The following LRP1B variants were observed in gnomAD, a reference collection of about 807,000 sequenced individuals.
LRP1B encodes LDL receptor related protein 1B.
Under a neutral mutation model 556.6 loss-of-function variants are expected in LRP1B, and 217 were observed. The observed-to-expected ratio is 0.39, with a 90% CI of 0.35 to 0.44. The LOEUF (loss-of-function observed/expected upper bound fraction) is 0.44, where lower values mean the gene tolerates loss of function less well. LRP1B is among the 20% of genes least tolerant of loss of function. The pLI is 1.00. For synonymous variants in LRP1B, 2,047 were observed against 1,865.8 expected, an observed-to-expected ratio of 1.10 and a Z score of -2.50; for missense variants, 5,053 against 5,620.8, an observed-to-expected ratio of 0.90 and a Z score of 3.23.
chr2:140,968,115 C>T (rs1366648421), intron 18 of LRP1B, among the ~76,000 whole-genome samples: 1 of 150,922 alleles, frequency 6.6e-6, no homozygotes, highest in Non-Finnish European at 1.5e-5. Context: ...GTACCAGCTC[C>T]TCCTTGTAAC....
intron 31 of LRP1B, among the ~76,000 whole-genome samples, chr2:140,816,787 T>G (rs1341749918): frequency 6.6e-6 from 1 of 152,084 alleles, no homozygotes; most frequent in Non-Finnish European, 1.5e-5. Flanking sequence ...TGCTTTATAT[T>G]CATAATATAG....
chr2:140,691,226 C>CT (rs1302058613), intron 41 of LRP1B, among the ~76,000 whole-genome samples: 1 of 152,076 alleles, frequency 6.6e-6, no homozygotes, highest in African/African-American at 2.4e-5. Flanking sequence ...AATACTAGCA[C>CT]TTTGGGAGGC....
At chr2:140,602,247 A>G (rs1290951855) in intron 41 of LRP1B, among the ~76,000 whole-genome samples, 4 of 152,122 alleles carry the variant, frequency 2.6e-5, no homozygotes, top group Non-Finnish European at 5.9e-5. Flanking sequence ...ATTGCCAGCT[A>G]AAGCATGCTT....
chr2:141,888,300 G>A (rs1269691665), intron 1 of LRP1B, among the ~76,000 whole-genome samples: 1 of 152,158 alleles, frequency 6.6e-6, no homozygotes, highest in Non-Finnish European at 1.5e-5. Flanking sequence ...TGAGAACTCT[G>A]TGCCAGCTTC....
intron 32 of LRP1B, among the ~76,000 whole-genome samples, chr2:140,791,262 C>T (rs2104986561): frequency 6.6e-6 from 1 of 151,680 alleles, no homozygotes; most frequent in East Asian, 2.0e-4. Flanking sequence ...AAAAGCAAAA[C>T]AAAACAAAAC....
chr2:141,634,962 T>C (rs1689055312), intron 2 of LRP1B, among the ~76,000 whole-genome samples: 1 of 151,864 alleles, frequency 6.6e-6, no homozygotes, highest in East Asian at 1.9e-4. Flanking sequence ...TACTGACAGT[T>C]GAAGGTATCC....
At chr2:141,287,141 A>C (rs300345) in intron 3 of LRP1B, among the ~76,000 whole-genome samples, 146,150 of 152,238 alleles carry the variant, frequency 0.96, 70,442 homozygotes, top group East Asian at 1. Flanking sequence ...TTTCAAAAAA[A>C]CAAATGTTGG....
At chr2:140,996,745 T>A (rs1044663234) in intron 15 of LRP1B, among the ~76,000 whole-genome samples, 5 of 151,716 alleles carry the variant, frequency 3.3e-5, no homozygotes, top group Admixed American at 2.0e-4. Context: ...CCCAAGGACA[T>A]GGATAAAGTT....
chr2:141,629,235 A>G (rs797000476), intron 2 of LRP1B, among the ~76,000 whole-genome samples: 2 of 152,314 alleles, frequency 1.3e-5, no homozygotes, highest in African/African-American at 4.8e-5. Flanking sequence ...TCATTTCTAA[A>G]GGGGAAAAAG....
chr2:140,898,538 A>G, intron 23 of LRP1B: 1 of 314,694 alleles, frequency 3.2e-6, no homozygotes, highest in Non-Finnish European at 6.3e-6. Context: ...CTAATGAGCA[A>G]TCCCAGGACC....
chr2:140,475,069 A>C, intron 60 of LRP1B, 69 bp downstream of exon 60: 2 of 634,248 alleles, frequency 3.2e-6, no homozygotes, highest in Non-Finnish European at 2.3e-6. Context: ...ATATAAAATA[A>C]ATATATATTT....
At chr2:140,428,610 C>T (rs13021139) in intron 66 of LRP1B, among the ~76,000 whole-genome samples, 8,013 of 152,208 alleles carry the variant, frequency 0.053, 249 homozygotes, top group Middle Eastern at 0.068. Context: ...TGGCTGAAGA[C>T]TGACACTGCC....
intron 41 of LRP1B, among the ~76,000 whole-genome samples, chr2:140,693,609 C>A (rs949129364): frequency 6.6e-6 from 1 of 151,910 alleles, no homozygotes; most frequent in African/African-American, 2.4e-5. Flanking sequence ...TTATGTCCTT[C>A]ATAAACATTT....
intron 2 of LRP1B, among the ~76,000 whole-genome samples, chr2:141,715,822 T>TAACA (rs1278314649): frequency 3.3e-5 from 5 of 151,918 alleles, no homozygotes; most frequent in African/African-American, 7.3e-5. Context: ...TCTCAGAAAC[T>TAACA]AACAAACAAA....
At chr2:141,602,324 G>T (rs899903018) in intron 2 of LRP1B, among the ~76,000 whole-genome samples, 3 of 152,132 alleles carry the variant, frequency 2.0e-5, no homozygotes, top group Non-Finnish European at 4.4e-5. Flanking sequence ...ATTGATTTTT[G>T]TCTGAAGTAC....
At chr2:141,178,427 A>G (rs1680836666) in intron 7 of LRP1B, among the ~76,000 whole-genome samples, 1 of 152,090 alleles carries the variant, frequency 6.6e-6, no homozygotes, top group Non-Finnish European at 1.5e-5. Context: ...GATAGTTTAG[A>G]TACACAGGAC....
rs145239794 is a variant in LRP1B at position 141,962,757 on chromosome 2, T to G, written c.83-152356A>C. Among the ~76,000 whole-genome samples, 14 of 151,940 alleles carry G rather than the reference T, an allele frequency of 9.2e-5. No individual in the cohort carries two copies. The East Asian group carries it at 2.7e-3, about 30-fold the overall frequency. Reference sequence around the variant, plus strand: ...AAGGTTAAACTGCAAGCTAAAAAATTACCTCAAGATAATAGCTTCATATGC... The same window carrying G: ...AAGGTTAAACTGCAAGCTAAAAAATGACCTCAAGATAATAGCTTCATATGC... On this transcript the variant is annotated intron_variant, in intron 1 of 90. Transcript: ENST00000389484.
chr2:141,868,431 T>C (rs1162150254), intron 1 of LRP1B, among the ~76,000 whole-genome samples: 1 of 152,196 alleles, frequency 6.6e-6, no homozygotes, highest in Non-Finnish European at 1.5e-5. Context: ...AGTATTCATA[T>C]GGGCCTTTTG....
intron 6 of LRP1B, among the ~76,000 whole-genome samples, chr2:141,197,134 C>A (rs762335837): frequency 1.9e-4 from 29 of 152,142 alleles, no homozygotes; most frequent in Non-Finnish European, 2.6e-4. Context: ...TATAAATTAT[C>A]CAGTCTCAGG....
Sources: allele counts gnomAD v4.1 joint callset (sites outside exome capture counted in the v4.1 genomes callset), GRCh38; gene constraint gnomAD v4.1.1; transcripts MANE v1.5; gene names NCBI Gene and HGNC (gene_info 2026-07-23, HGNC 2026-07-21).